Variants in KIAA1671 observed in about 807,000 individuals in gnomAD.
KIAA1671 encodes KIAA1671.
KIAA1671 carries 52 observed loss-of-function variants against 131.2 expected under a neutral mutation model. The observed-to-expected ratio is 0.40, with a 90% CI of 0.32 to 0.50. The LOEUF is 0.50. KIAA1671 is among the 20% of genes least tolerant of loss of function. KIAA1671 has a pLI of 0.73. For missense variants in KIAA1671, 2,360 were observed against 2,364.2 expected, an observed-to-expected ratio of 1.00 and a Z score of 0.04; for synonymous variants, 1,003 against 961.6, an observed-to-expected ratio of 1.04 and a Z score of -0.80.
At chr22:25,099,626 C>A (rs979037138) in intron 6 of KIAA1671, among the ~76,000 whole-genome samples, 2 of 145,232 alleles carry the variant, frequency 1.4e-5, no homozygotes, top group Admixed American at 1.4e-4. Flanking sequence ...GCAACCTTGG[C>A]TCACTGCAAC....
intron 1 of KIAA1671, among the ~76,000 whole-genome samples, chr22:24,983,095 G>A (rs1252326893): frequency 1.3e-5 from 2 of 152,184 alleles, no homozygotes. Context: ...TGGGCTGGAG[G>A]GAGAGGCAGA....
chr22:25,016,434 G>A (rs966487318), intron 1 of KIAA1671, among the ~76,000 whole-genome samples: 15 of 152,254 alleles, frequency 9.9e-5, no homozygotes, highest in Non-Finnish European at 1.9e-4. Context: ...ACACAGAACC[G>A]ATGAGTCTTG....
chr22:25,102,258 G>C (rs529530759), intron 6 of KIAA1671, among the ~76,000 whole-genome samples: 1 of 152,316 alleles, frequency 6.6e-6, no homozygotes, highest in Admixed American at 6.5e-5. Context: ...CAGATGGACT[G>C]TGAGGCCTTA....
intron 6 of KIAA1671, among the ~76,000 whole-genome samples, chr22:25,163,436 T>C (rs1200437218): frequency 4.2e-5 from 4 of 95,606 alleles, no homozygotes; most frequent in Admixed American, 1.6e-4. Context: ...TTTCCTTGGC[T>C]GTATTTTTTT....
At chr22:25,058,701 G>A (rs570142244) in intron 6 of KIAA1671, 1 of 152,326 alleles carries the variant, frequency 6.6e-6, no homozygotes, top group Admixed American at 6.5e-5. Context: ...ACAGAACTTA[G>A]GGGTGTAACA....
intron 5 of KIAA1671, among the ~76,000 whole-genome samples, chr22:25,043,211 G>A (rs889852126): frequency 2.0e-5 from 3 of 152,276 alleles, no homozygotes; most frequent in South Asian, 2.1e-4. Flanking sequence ...ACCCAAATAA[G>A]CCACTTTGTT....
intron 1 of KIAA1671, among the ~76,000 whole-genome samples, chr22:24,964,096 A>G (rs1297793311): frequency 6.6e-6 from 1 of 152,176 alleles, no homozygotes; most frequent in Non-Finnish European, 1.5e-5. Context: ...TGGGAGGCCA[A>G]GGCAGGCGGA....
chr22:25,003,101 T>C (rs569357145), intron 1 of KIAA1671, among the ~76,000 whole-genome samples: 29 of 152,212 alleles, frequency 1.9e-4, no homozygotes, highest in African/African-American at 5.5e-4. Flanking sequence ...AACTTTTTTT[T>C]CCCTCTTATT....
chr22:25,189,017 T>C (rs1471388874), intron 11 of KIAA1671, among the ~76,000 whole-genome samples: 1 of 152,012 alleles, frequency 6.6e-6, no homozygotes, highest in Non-Finnish European at 1.5e-5. Context: ...CATGTGATTG[T>C]GGAGGCAGGC....
Position 25,120,298 on chromosome 22 carries a change from T to A in KIAA1671, c.4531-50522T>A, listed in dbSNP as rs1931868269. Among the ~76,000 whole-genome samples, 4 of 152,244 alleles carry A rather than the reference T, an allele frequency of 2.6e-5. No individual in the cohort carries two copies. In the South Asian group the frequency reaches 8.3e-4, roughly 32 times the overall value. ...CCCCAAAGGCCAGCATGATGTCACTTCATTCTCTGCTACAGTGTCGCCAGG... is the reference window on the plus strand; with the variant it reads ...CCCCAAAGGCCAGCATGATGTCACTACATTCTCTGCTACAGTGTCGCCAGG... On this transcript the variant is annotated intron_variant, in intron 6 of 12. Coordinates refer to ENST00000358431, the MANE Select transcript of KIAA1671 (RefSeq NM_001145206.2).
At chr22:25,060,526 A>G (rs1345234363) in intron 6 of KIAA1671, 1 of 152,226 alleles carries the variant, frequency 6.6e-6, no homozygotes, top group Admixed American at 6.5e-5. Flanking sequence ...CTCAGGCCAC[A>G]TTCTAGCTGC....
rs564775704 is a variant in KIAA1671, at chr22:24,995,266, A to G, written c.-207-30367A>G. 5.1e-4 allele frequency among the ~76,000 whole-genome samples: 77 copies of G among 151,438 alleles called. 2 individuals carry two copies. In the South Asian group the frequency reaches 0.016, roughly 32 times the overall value. On this transcript the variant is annotated intron_variant, in intron 1 of 12. Coordinates refer to ENST00000358431, the MANE Select transcript of KIAA1671 (RefSeq NM_001145206.2). ...ACAGGGTTTCGCCATGTTAGCCAGG[A>G]TGGTCTCGATCTCCTGACCTCGTGA...
chr22:25,175,965 T>G (rs564713480), intron 8 of KIAA1671: 59 of 152,284 alleles, frequency 3.9e-4, no homozygotes, highest in African/African-American at 1.4e-3. Flanking sequence ...GTGGGGACGG[T>G]TTGGAGGCCA....
At chr22:25,006,000 G>C (rs973083228) in intron 1 of KIAA1671, among the ~76,000 whole-genome samples, 1 of 152,086 alleles carries the variant, frequency 6.6e-6, no homozygotes, top group Non-Finnish European at 1.5e-5. Context: ...CACCTGTGCA[G>C]CTAGAGCATT....
intron 6 of KIAA1671, among the ~76,000 whole-genome samples, chr22:25,149,644 C>T (rs1932970737): frequency 1.3e-5 from 2 of 152,088 alleles, no homozygotes; most frequent in South Asian, 2.1e-4. Context: ...TTCTCTTTAT[C>T]GCTTTGCCCT....
At chr22:25,014,597 A>G (rs1267443321) in intron 1 of KIAA1671, 1 of 152,058 alleles carries the variant, frequency 6.6e-6, no homozygotes, top group Non-Finnish European at 1.5e-5. Context: ...TTCATAACGA[A>G]TCTTGCTATG....
At chr22:25,080,425 C>G (rs1395345611) in intron 6 of KIAA1671, among the ~76,000 whole-genome samples, 1 of 152,186 alleles carries the variant, frequency 6.6e-6, no homozygotes, top group Admixed American at 6.5e-5. Flanking sequence ...GAAGAGGTAC[C>G]CAGAGCCTTT....
chr22:25,034,697 AT>A (rs1243947760), intron 4 of KIAA1671, among the ~76,000 whole-genome samples: 1 of 151,800 alleles, frequency 6.6e-6, no homozygotes, highest in African/African-American at 2.4e-5. Context: ...AAGAGCTTCT[AT>A]TTCTTTTCTT....
At chr22:25,159,636 C>T (rs1029881058) in intron 6 of KIAA1671, among the ~76,000 whole-genome samples, 4 of 152,128 alleles carry the variant, frequency 2.6e-5, no homozygotes, top group African/African-American at 7.2e-5. Flanking sequence ...TAGTTCTCCC[C>T]AGACATTGAC....
Sources: allele counts gnomAD v4.1 joint callset (sites outside exome capture counted in the v4.1 genomes callset), GRCh38; gene constraint gnomAD v4.1.1; transcripts MANE v1.5; gene names NCBI Gene and HGNC (gene_info 2026-07-23, HGNC 2026-07-21).